The following SS18 variants were observed in gnomAD, a reference collection of about 807,000 sequenced individuals.
SS18 encodes the protein SS18 subunit of BAF chromatin remodeling complex, also known as protein SSXT.
A neutral mutation model predicts 72.5 loss-of-function variants in SS18; 28 were observed. That is an observed-to-expected ratio of 0.39 (90% CI 0.29 to 0.53). The LOEUF (loss-of-function observed/expected upper bound fraction) is 0.53, where lower values mean the gene tolerates loss of function less well. Ranked by LOEUF, SS18 falls within the 20% of genes least tolerant of loss-of-function variation. SS18 has a pLI of 0.76. For synonymous variants in SS18, 172 were observed against 164.2 expected, an observed-to-expected ratio of 1.05 and a Z score of -0.37; for missense variants, 518 against 535.3, an observed-to-expected ratio of 0.97 and a Z score of 0.32.
intron 3 of SS18, among the ~76,000 whole-genome samples, chr18:26,066,629 C>CA (rs1459528002): frequency 6.6e-6 from 1 of 151,670 alleles, no homozygotes; most frequent in Non-Finnish European, 1.5e-5. Flanking sequence ...CACACACACA[C>CA]ATTTCTGTTC....
In SS18 at chr18:26,090,166, C is replaced by T. The variant is rs1040361809; in HGVS notation, c.69+335G>A. 7.6e-5 allele frequency: 24 copies of T among 315,882 alleles called. No homozygotes were observed. In the East Asian group the frequency reaches 1.5e-3, roughly 19 times the overall value. The allele number at this position is 315,882 out of a possible 1,614,324, so 19.6% of individuals were successfully genotyped here. A position where few individuals can be genotyped will look rare whatever the true frequency, so the allele number is the denominator to read the frequency against. On this transcript the variant is annotated intron_variant, in intron 1 of 10. Coordinates refer to ENST00000415083, the MANE Select transcript of SS18 (RefSeq NM_001007559.3). ...CGGAGCAACGCGCGGGGCCGCCGGT[C>T]CGACACACGCCCTTCCCTGAGCGGC...
In SS18 at chr18:26,052,605, G is replaced by A. The variant is rs1367023730; in HGVS notation, c.607+19C>T. 4.4e-6 allele frequency: 7 copies of A among 1,586,674 alleles called. No individual in the cohort carries two copies. The African/African-American group carries it at 5.4e-5, about 12-fold the overall frequency. ...GCTAATAGAGCACTCTAGTCAAGAA[G>A]GACATAAAGCTTAGTTACCTTGGTT... On this transcript the variant is annotated intron_variant, in intron 5 of 10. Transcript: ENST00000415083.
Position 26,017,243 on chromosome 18 carries a change from A to G in SS18, c.*1111T>C, listed in dbSNP as rs551175314. The stretch of plus-strand genomic sequence containing the variant: ...ATTTTCCTAAATATCTCTTTGTGTT[A>G]TATCAACCAACATAAAAAAGGGAAA... On this transcript the variant is annotated 3_prime_UTR_variant, in exon 11 of 11. Coordinates refer to ENST00000415083, the MANE Select transcript of SS18 (RefSeq NM_001007559.3). 5.0e-5 allele frequency: 10 copies of G among 198,042 alleles called. No homozygotes were observed. In the South Asian group the frequency reaches 1.1e-3, roughly 23 times the overall value. 12.3% of individuals were successfully genotyped at this position (198,042 alleles called of 1,614,324 possible).
At chr18:26,032,061 G>A (rs1251509097) in intron 10 of SS18, among the ~76,000 whole-genome samples, 10 of 152,058 alleles carry the variant, frequency 6.6e-5, no homozygotes, top group Admixed American at 6.5e-4. Context: ...CTCAAAAATG[G>A]TAAATATGAT....
At chr18:26,082,341 C>A (rs1310019157) in intron 2 of SS18, 2 of 922,094 alleles carry the variant, frequency 2.2e-6, no homozygotes, top group Non-Finnish European at 2.6e-6. Flanking sequence ...GAAGTAATTT[C>A]ATTTTATAAA....
chr18:26,090,973 G>C (rs73944456), upstream of SS18: 1 of 247,716 alleles, frequency 4.0e-6, no homozygotes, highest in African/African-American at 2.3e-5. Flanking sequence ...GGCCCAAGCC[G>C]GCCCGCCCCC....
intron 10 of SS18, among the ~76,000 whole-genome samples, chr18:26,024,846 C>T (rs540633980): frequency 3.2e-4 from 49 of 152,044 alleles, no homozygotes; most frequent in African/African-American, 1.2e-3. Context: ...TCAAAAACCC[C>T]AATTTAAAGG....
chr18:26,060,216 AAAG>A (rs1458486774), intron 3 of SS18, among the ~76,000 whole-genome samples: 5 of 152,258 alleles, frequency 3.3e-5, no homozygotes, highest in Non-Finnish European at 1.5e-5. Context: ...ATTCAGCCAC[AAAG>A]AAGAAATACT....
chr18:26,040,334 C>T (rs2053702084), intron 5 of SS18, among the ~76,000 whole-genome samples: 1 of 152,128 alleles, frequency 6.6e-6, no homozygotes. Context: ...TTAAGCAGCT[C>T]CTGAGAGGTT....
chr18:26,078,444 T>C (rs968855039), intron 2 of SS18: 1 of 250,554 alleles, frequency 4.0e-6, no homozygotes, highest in Non-Finnish European at 7.6e-6. Context: ...CTTTTCTCCA[T>C]TTTACAGATG....
intron 4 of SS18, among the ~76,000 whole-genome samples, chr18:26,054,512 C>T (rs1196467118): frequency 6.6e-6 from 1 of 151,916 alleles, no homozygotes; most frequent in African/African-American, 2.4e-5. Flanking sequence ...CCTATGTTTC[C>T]ATCCTAAATG....
chr18:26,051,115 C>T (rs750816163), intron 5 of SS18, among the ~76,000 whole-genome samples: 50 of 151,614 alleles, frequency 3.3e-4, no homozygotes, highest in Admixed American at 7.9e-4. Flanking sequence ...GGCAGGTGAT[C>T]ACTTAAGCCC....
At position 26,035,054 on chromosome 18, in the gene SS18, C is replaced by T; in HGVS notation, c.1047G>A (p.Gln349=). The change falls in exon 9 of 11, where the codon CAG becomes CAA. Residue 349 remains glutamine (Q), a synonymous_variant. Coordinates refer to ENST00000415083, the MANE Select transcript of SS18 (RefSeq NM_001007559.3). This position sits in a 1 kb window ranked among gnomAD's most constrained non-coding sequence, Gnocchi z 4.4. ...AACCTTGCTGCCCTGGGTACTGCTGCTGCTGGGGTGGATATCCCTGTTGTG... is the reference window on the plus strand; with the variant it reads ...AACCTTGCTGCCCTGGGTACTGCTGTTGCTGGGGTGGATATCCCTGTTGTG... ...PPPQQGYPPQ[Q]QQYPGQQGYP... The T allele has an allele frequency of 6.2e-7, 1 of 1,613,564 alleles. No individual in the cohort carries two copies.
chr18:26,053,504 C>T (rs2053959188), intron 4 of SS18, among the ~76,000 whole-genome samples: 1 of 151,514 alleles, frequency 6.6e-6, no homozygotes. Flanking sequence ...TAAAAATTTG[C>T]ACGACATAAA....
Position 26,035,337 on chromosome 18 carries a change from G to A in SS18, c.974-210C>T. On this transcript the variant is annotated intron_variant, in intron 8 of 10. Transcript: ENST00000415083. This position sits in a 1 kb window ranked among gnomAD's most constrained non-coding sequence, Gnocchi z 4.4. Reference sequence around the variant, plus strand: ...AAAGCCAATTTTGCAAGGTTGAACTGCAGCATTTTCAGCGTCTCTGCCATA... The same window carrying A: ...AAAGCCAATTTTGCAAGGTTGAACTACAGCATTTTCAGCGTCTCTGCCATA... The A allele has an allele frequency of 2.0e-6, 1 of 507,690 alleles. No homozygotes were observed. Among genetic ancestry groups the A allele is most frequent in the Non-Finnish European group, 3.5e-6 (1 of 285,778 alleles). The allele number at this position is 507,690 out of a possible 1,614,324, so 31.4% of individuals were successfully genotyped here.
intron 10 of SS18, among the ~76,000 whole-genome samples, chr18:26,027,609 T>C (rs572250661): frequency 7.5e-6 from 1 of 132,606 alleles, no homozygotes; most frequent in South Asian, 2.5e-4. Flanking sequence ...AAGGCGGTGG[T>C]TGCAGTGAGC....
chr18:26,035,966 A>T lies in SS18; in HGVS notation c.881-43T>A, dbSNP rs1567995839. 8.1e-7 allele frequency: 1 copy of T among 1,241,188 alleles called. No homozygotes were observed. The allele number at this position is 1,241,188 out of a possible 1,614,324, so 76.9% of individuals were successfully genotyped here. ...GAGACAGGAAGAAACGTTAATGGCCACTGAGTGAAAACCCTAAAAATATTT... is the reference window on the plus strand; with the variant it reads ...GAGACAGGAAGAAACGTTAATGGCCTCTGAGTGAAAACCCTAAAAATATTT... On this transcript the variant is annotated intron_variant, in intron 7 of 10. Coordinates refer to ENST00000415083, the MANE Select transcript of SS18 (RefSeq NM_001007559.3). The surrounding 1 kb of genome is among the most constrained non-coding windows in gnomAD (Gnocchi z 4.4).
intron 10 of SS18, among the ~76,000 whole-genome samples, chr18:26,029,022 G>C (rs2053499638): frequency 6.6e-6 from 1 of 152,198 alleles, no homozygotes; most frequent in Non-Finnish European, 1.5e-5. Flanking sequence ...AGGACTCTCT[G>C]ATACGACGTG....
chr18:26,018,111 T>C lies in SS18; in HGVS notation c.*243A>G, dbSNP rs1598515767. The C allele has an allele frequency of 5.1e-6, 2 of 393,660 alleles. No individual in the cohort carries two copies. The highest frequency in any genetic ancestry group is 7.8e-5 in the East Asian group (2 of 25,742). 24.4% of individuals were successfully genotyped at this position (393,660 alleles called of 1,614,324 possible). On this transcript the variant is annotated 3_prime_UTR_variant, in exon 11 of 11. Transcript: ENST00000415083. ...AAATCATTACAAATTGGTTATGTCA[T>C]TGCATTTTCTGTCCAATGTTGCCAT...
Sources: allele counts gnomAD v4.1 joint callset (sites outside exome capture counted in the v4.1 genomes callset), GRCh38; gene constraint gnomAD v4.1.1; non-coding constraint Gnocchi (gnomAD v3.1); transcripts MANE v1.5; gene names NCBI Gene and HGNC (gene_info 2026-07-23, HGNC 2026-07-21).